Variants in BCAS3 observed in about 807,000 individuals in gnomAD.
BCAS3 encodes BCAS4/BCAS3 fusion.
A neutral mutation model predicts 116.1 loss-of-function variants in BCAS3; 53 were observed. The observed-to-expected ratio is 0.46, with a 90% confidence interval of 0.37 to 0.57. The LOEUF (loss-of-function observed/expected upper bound fraction) is 0.57. BCAS3 is among the 20% of genes least tolerant of loss of function. The pLI is 0.00. For missense variants in BCAS3, 917 were observed against 1,165.4 expected, an observed-to-expected ratio of 0.79 and a Z score of 3.10; for synonymous variants, 391 against 408.2, an observed-to-expected ratio of 0.96 and a Z score of 0.51.
At chr17:60,928,090 C>G (rs1450723912) in intron 13 of BCAS3, among the ~76,000 whole-genome samples, 1 of 152,164 alleles carries the variant, frequency 6.6e-6, no homozygotes, top group Non-Finnish European at 1.5e-5. Flanking sequence ...ACTAGTGACT[C>G]TATTCACCTT....
chr17:60,751,765 A>G (rs961378378), intron 6 of BCAS3, among the ~76,000 whole-genome samples: 3 of 151,954 alleles, frequency 2.0e-5, no homozygotes, highest in African/African-American at 7.3e-5. Context: ...CTGGTCTCGA[A>G]CTCCTGACCT....
intron 22 of BCAS3, among the ~76,000 whole-genome samples, chr17:61,260,015 TA>T (rs1228177425): frequency 6.6e-5 from 10 of 152,248 alleles, no homozygotes; most frequent in Non-Finnish European, 1.5e-4. Flanking sequence ...TCCTTTAAGG[TA>T]GGCATTAAGG....
intron 15 of BCAS3, among the ~76,000 whole-genome samples, chr17:60,996,929 A>G (rs1314132972): frequency 6.6e-6 from 1 of 152,224 alleles, no homozygotes; most frequent in Non-Finnish European, 1.5e-5. Context: ...AAATAAGACT[A>G]TTAAAATTAG....
rs557889848 is a variant in BCAS3 at position 60,917,882 on chromosome 17, C to T, written c.994-6525C>T. Among the ~76,000 whole-genome samples, 11 of 152,282 alleles carry T rather than the reference C, an allele frequency of 7.2e-5. No homozygotes were observed. The East Asian group carries it at 1.2e-3, about 16-fold the overall frequency. Reference sequence around the variant, plus strand: ...TGCTGGGATTACAAGCATGAGCTACCGTGCCCCGCCACCTTTCGCCAATTT... The same window carrying T: ...TGCTGGGATTACAAGCATGAGCTACTGTGCCCCGCCACCTTTCGCCAATTT... On this transcript the variant is annotated intron_variant, in intron 12 of 23. Coordinates refer to ENST00000407086, the MANE Select transcript of BCAS3 (RefSeq NM_017679.5).
chr17:61,310,327 G>A (rs549945505), intron 22 of BCAS3, among the ~76,000 whole-genome samples: 3 of 152,282 alleles, frequency 2.0e-5, no homozygotes, highest in Non-Finnish European at 2.9e-5. Flanking sequence ...GCCACAGCAC[G>A]TGGATCACCT....
In BCAS3 at chr17:61,034,995, ACTGAGTGATTTTG is replaced by A. The variant is rs1324542873; in HGVS notation, c.1762+206_1762+218del. On this transcript the variant is annotated intron_variant, in intron 17 of 23. Transcript: ENST00000407086. This position sits in a 1 kb window ranked among gnomAD's most constrained non-coding sequence, Gnocchi z 5.0. ...CAGTATGAACGTTAATGAATTGCCC[ACTGAGTGATTTTG>A]TTTTGTTTTGTTGGTGACAATCTAC... 1.3e-5 allele frequency among the ~76,000 whole-genome samples: 2 copies of A among 152,100 alleles called. No individual in the cohort carries two copies. Among genetic ancestry groups the A allele is most frequent in the African/African-American group, 4.8e-5 (2 of 41,406 alleles).
At position 61,360,152 on chromosome 17, in the gene BCAS3, C is replaced by T. The variant is rs557485505; in HGVS notation, c.2426-8175C>T. ...CCAAGTAGCTGGGACTACAGATGCA[C>T]GCCACCACACCCGGATAATTTTTAT... On this transcript the variant is annotated intron_variant, in intron 22 of 23. Transcript: ENST00000407086. Among the ~76,000 whole-genome samples the T allele has an allele frequency of 1.1e-3, 169 of 152,072 alleles. 1 individual carries two copies. Among genetic ancestry groups the T allele is most frequent in the African/African-American group, 3.8e-3 (156 of 41,482 alleles).
chr17:60,987,972 G>A (rs2063257425), intron 14 of BCAS3, among the ~76,000 whole-genome samples: 1 of 151,904 alleles, frequency 6.6e-6, no homozygotes, highest in East Asian at 1.9e-4. Context: ...CATTGTACAT[G>A]GCTTTTCTTC....
At chr17:61,386,796 GTT>G (rs57275173) in intron 23 of BCAS3, among the ~76,000 whole-genome samples, 67,473 of 112,842 alleles carry the variant, frequency 0.6, 20,272 homozygotes, top group South Asian at 0.73. Flanking sequence ...TTTGTTTTTT[GTT>G]TTTTTTTTTT....
intron 22 of BCAS3, chr17:61,353,566 G>A (rs1329319127): frequency 1.3e-5 from 2 of 152,346 alleles, no homozygotes; most frequent in East Asian, 1.9e-4. Flanking sequence ...AATAGTAATC[G>A]TTGCCTTGTC....
intron 7 of BCAS3, among the ~76,000 whole-genome samples, chr17:60,820,690 A>G (rs2049882425): frequency 6.6e-6 from 1 of 152,212 alleles, no homozygotes; most frequent in African/African-American, 2.4e-5. Flanking sequence ...CTAAAAAAAG[A>G]CAAAGATGCC....
intron 7 of BCAS3, among the ~76,000 whole-genome samples, chr17:60,826,263 G>A (rs1275649745): frequency 2.0e-5 from 3 of 151,312 alleles, no homozygotes; most frequent in African/African-American, 7.3e-5. Context: ...GTCTTACTGC[G>A]GCCTTCACCT....
rs911377180 is a variant in BCAS3, at chr17:61,122,419, A to G, written c.2425+37855A>G. Among the ~76,000 whole-genome samples the G allele has an allele frequency of 6.6e-6, 1 of 152,194 alleles. No individual in the cohort carries two copies. The highest frequency in any genetic ancestry group is 2.4e-5 in the African/African-American group (1 of 41,440). ...CAGACACTGGCTTAAATGAAGGTAT[A>G]CTGAACTTGGAGATGTCATTTCAGC... On this transcript the variant is annotated intron_variant, in intron 22 of 23. Coordinates refer to ENST00000407086, the MANE Select transcript of BCAS3 (RefSeq NM_017679.5). This position sits in a 1 kb window ranked among gnomAD's most constrained non-coding sequence, Gnocchi z 4.6.
intron 6 of BCAS3, among the ~76,000 whole-genome samples, chr17:60,802,917 T>C (rs927130647): frequency 5.9e-5 from 9 of 152,204 alleles, no homozygotes; most frequent in Admixed American, 5.2e-4. Context: ...GTGCCCAGTC[T>C]ATTTGTCGAC....
At chr17:60,737,550 A>T (rs2041104049) in intron 5 of BCAS3, among the ~76,000 whole-genome samples, 1 of 152,004 alleles carries the variant, frequency 6.6e-6, no homozygotes, top group Admixed American at 6.5e-5. Context: ...ATTTCCCTCT[A>T]TGCACTGCTT....
At chr17:60,814,296 TGTGTGTGTGTGCGCGC>T (rs1425974850) in intron 7 of BCAS3, among the ~76,000 whole-genome samples, 3 of 124,412 alleles carry the variant, frequency 2.4e-5, no homozygotes, top group African/African-American at 4.4e-5. Flanking sequence ...TGTGTGTGTG[TGTGTGTGTGTGCGCGC>T]GTGCCCATTG....
intron 11 of BCAS3, among the ~76,000 whole-genome samples, chr17:60,909,477 A>G (rs1245509646): frequency 5.3e-5 from 8 of 152,134 alleles, no homozygotes; most frequent in Non-Finnish European, 1.0e-4. Context: ...TATTTTAATG[A>G]AACTTTTTTT....
chr17:61,116,261 TA>T (rs925446050), intron 22 of BCAS3, among the ~76,000 whole-genome samples: 93 of 74,294 alleles, frequency 1.3e-3, no homozygotes, highest in African/African-American at 3.7e-3. Flanking sequence ...AATAAATAAA[TA>T]AATAAATAAA....
chr17:60,904,549 G>A (rs893153008), intron 11 of BCAS3, among the ~76,000 whole-genome samples: 1 of 152,028 alleles, frequency 6.6e-6, no homozygotes, highest in Non-Finnish European at 1.5e-5. Flanking sequence ...TAACACTTTA[G>A]GGCTGGATGC....
Sources: gnomAD v4.1 joint callset for allele counts (sites outside exome capture counted in the v4.1 genomes callset) on GRCh38, gnomAD v4.1.1 for gene constraint, Gnocchi (gnomAD v3.1) non-coding constraint, MANE v1.5 for transcripts, NCBI Gene and HGNC (gene_info 2026-07-23, HGNC 2026-07-21) for gene names.